The following DNAH2 variants were observed in gnomAD, a reference collection of about 807,000 sequenced individuals.
DNAH2 encodes the protein dynein axonemal heavy chain 2.
DNAH2 carries 323 observed loss-of-function variants against 523.5 expected under a neutral mutation model. The ratio of observed to expected loss-of-function variants is 0.62; its 90% confidence interval spans 0.56 to 0.68. DNAH2 has a LOEUF of 0.68. DNAH2 is among the 30% of genes least tolerant of loss of function. The pLI is 0.00. For missense variants in DNAH2, 4,907 were observed against 5,701.5 expected, an observed-to-expected ratio of 0.86 and a Z score of 4.49; for synonymous variants, 2,093 against 2,177.4, an observed-to-expected ratio of 0.96 and a Z score of 1.08.
At position 7,764,114 on chromosome 17, in the gene DNAH2, C is replaced by T. The variant is rs780781270; in HGVS notation, c.3180-3C>T. On this transcript the variant is annotated splice_polypyrimidine_tract_variant and splice_region_variant and intron_variant, in intron 19 of 85. Coordinates refer to ENST00000572933, the MANE Select transcript of DNAH2 (RefSeq NM_020877.5). ...CACTAGCACTCCCTTTGCCCGCCTTCAGAATCAGCCGCCCTCCGCAGACAC... is the reference window on the plus strand; with the variant it reads ...CACTAGCACTCCCTTTGCCCGCCTTTAGAATCAGCCGCCCTCCGCAGACAC... 3.7e-6 allele frequency: 6 copies of T among 1,614,236 alleles called. No individual in the cohort carries two copies. In the Admixed American group the frequency reaches 6.7e-5, roughly 18 times the overall value.
rs942102242 is a variant in DNAH2, at chr17:7,758,529, C to T, written c.2086C>T (p.Leu696=). 9.9e-6 allele frequency: 16 copies of T among 1,613,984 alleles called. No individual in the cohort carries two copies. The highest frequency in any genetic ancestry group is 1.4e-5 in the Non-Finnish European group (16 of 1,180,032). Residue 696 remains leucine (L), a synonymous_variant, in exon 14 of 86, where the codon CTA becomes TTA. Coordinates refer to ENST00000572933, the MANE Select transcript of DNAH2 (RefSeq NM_020877.5). ...IAMLSPDEQA[L]FKERIRLLDK... The stretch of plus-strand genomic sequence containing the variant: ...CATGCTGTCCCCAGATGAGCAGGCC[C>T]TATTCAAAGAGCGTATTCGGCTCCT...
intron 49 of DNAH2, among the ~76,000 whole-genome samples, chr17:7,796,143 G>T (rs1475845440): frequency 1.3e-5 from 2 of 150,510 alleles, no homozygotes; most frequent in African/African-American, 2.4e-5. Context: ...CCGCCTCCTG[G>T]GGTCAAGTGA....
chr17:7,754,715 C>T lies in DNAH2; in HGVS notation c.1905-2376C>T, dbSNP rs2075787501. On this transcript the variant is annotated intron_variant, in intron 12 of 85. Transcript: ENST00000572933. This position sits in a 1 kb window ranked among gnomAD's most constrained non-coding sequence, Gnocchi z 4.6. ...CCAACCTTGGGAAGCTTGCTCGTGC[C>T]CGCATGGCCAAGGGGCTCAGGCTGT... 2 of 1,163,212 alleles carry T rather than the reference C, an allele frequency of 1.7e-6. No homozygotes were observed. Among genetic ancestry groups the T allele is most frequent in the Non-Finnish European group, 1.3e-6 (1 of 788,064 alleles). The allele number at this position is 1,163,212 out of a possible 1,614,324, so 72.1% of individuals were successfully genotyped here. A position where few individuals can be genotyped will look rare whatever the true frequency, so the allele number is the denominator to read the frequency against.
Position 7,763,906 on chromosome 17 carries a change from GC to G in DNAH2, c.3055del (p.His1019ThrfsTer36). 1 of 1,614,182 alleles carries G rather than the reference GC, an allele frequency of 6.2e-7. No individual in the cohort carries two copies. ...TCCAGTTTGTGCTGCTGGACTGTTC[GC>G]ACCTCAAGTTCTCCCTGGTGCAGCA... Reference protein sequence around the residue: ...NIQFVLLDCSHLKFSLVQHCN... With the variant: ...NIQFVLLDCSXLKFSLVQHCN... On this transcript the variant is annotated frameshift_variant, in exon 19 of 86. Coordinates refer to ENST00000572933, the MANE Select transcript of DNAH2 (RefSeq NM_020877.5). LOFTEE classifies it high-confidence loss of function.
chr17:7,759,502 A>T lies in DNAH2; in HGVS notation c.2529A>T (p.Ser843=). ...CCCTGCGCCTGAATGTGAAGTGGTC[A>T]CTGCTAGAACTATCCAAGGCTATCA... The part of the protein sequence containing the change: ...EDALRLNVKW[S]LLELSKAING... Residue 843 remains serine, a synonymous_variant, in exon 16 of 86, where the codon TCA becomes TCT. Coordinates refer to ENST00000572933, the MANE Select transcript of DNAH2 (RefSeq NM_020877.5). 1 of 1,614,132 alleles carries T rather than the reference A, an allele frequency of 6.2e-7. No homozygotes were observed. Among genetic ancestry groups the T allele is most frequent in the Non-Finnish European group, 8.5e-7 (1 of 1,180,020 alleles).
chr17:7,758,804 G>C, intron 14 of DNAH2, 81 bp from the exon 15 acceptor site: 1 of 1,584,040 alleles, frequency 6.3e-7, no homozygotes, highest in Non-Finnish European at 8.6e-7. Context: ...AGTCTAGCTG[G>C]AGAACAAGTG....
chr17:7,759,259 G>A, intron 15 of DNAH2, 135 bp downstream of exon 15: 2 of 1,449,522 alleles, frequency 1.4e-6, no homozygotes, highest in South Asian at 1.4e-5. Flanking sequence ...CTCTAGTCTT[G>A]GACTCAGCCA....
In DNAH2 at chr17:7,775,232, T is replaced by C. The variant is rs2076416264; in HGVS notation, c.4720-9T>C. On this transcript the variant is annotated splice_polypyrimidine_tract_variant and intron_variant, in intron 29 of 85. Coordinates refer to ENST00000572933, the MANE Select transcript of DNAH2 (RefSeq NM_020877.5). ...AGGCCAGGCTCTGAGTAGCTTCTGC[T>C]TTCTGCAGGTTGGAGGGCCCAGCAG... is the stretch of plus-strand genomic sequence containing the variant. 1 of 1,610,982 alleles carries C rather than the reference T, an allele frequency of 6.2e-7. No homozygotes were observed. Among genetic ancestry groups the C allele is most frequent in the Non-Finnish European group, 8.5e-7 (1 of 1,178,448 alleles).
At chr17:7,743,383 C>T (rs748843855) in intron 12 of DNAH2, 26 of 703,838 alleles carry the variant, frequency 3.7e-5, no homozygotes, top group African/African-American at 2.5e-4. Flanking sequence ...AAACAATGAT[C>T]GGCCAGGCAC....
intron 46 of DNAH2, 141 bp from the exon 47 acceptor site, chr17:7,792,516 C>T (rs1343942938): frequency 1.0e-6 from 1 of 963,782 alleles, no homozygotes; most frequent in Non-Finnish European, 1.6e-6. Flanking sequence ...GGGACAGGGT[C>T]TCTGAGGGGA....
chr17:7,804,488 C>A (rs1454311379), intron 59 of DNAH2, 22 bp downstream of exon 59: 7 of 1,609,792 alleles, frequency 4.3e-6, no homozygotes, highest in South Asian at 2.2e-5. Flanking sequence ...ACGCCCACCC[C>A]CCGTGCCCCA....
chr17:7,781,099 C>A lies in DNAH2; in HGVS notation c.6061C>A (p.Pro2021Thr). The A allele has an allele frequency of 1.2e-6, 2 of 1,614,214 alleles. No homozygotes were observed. The highest frequency in any genetic ancestry group is 1.7e-6 in the Non-Finnish European group (2 of 1,180,042). Residue 2021 changes from proline to threonine, a missense_variant, in exon 39 of 86, where the codon CCC becomes ACC. Coordinates refer to ENST00000572933, the MANE Select transcript of DNAH2 (RefSeq NM_020877.5). The part of the protein sequence containing the change: ...NIAKLTSVDA[P>T]LFNAIVQDLF... ...CGCCAAGCTCACTTCAGTTGATGCA[C>A]CCCTGTTCAATGCCATCGTGCAAGA...
In DNAH2 at chr17:7,798,648, T is replaced by C. The variant is rs2077135794; in HGVS notation, c.8489T>C (p.Leu2830Pro). 6.2e-7 allele frequency: 1 copy of C among 1,614,150 alleles called. No homozygotes were observed. Residue 2830 changes from leucine (L) to proline (P), a missense_variant, in exon 55 of 86, where the codon CTA (leucine) becomes CCA (proline). Leu to Pro is a moderately conservative substitution (Grantham distance 98). Around this residue, in one of 3 missense-constraint regions of DNAH2, gnomAD observed 1,851 missense variants for 2,139.4 expected, o/e 0.87. Coordinates refer to ENST00000572933, the MANE Select transcript of DNAH2 (RefSeq NM_020877.5). The surrounding 1 kb of genome is among the most constrained non-coding windows in gnomAD (Gnocchi z 5.5). ...VDTQIADESF[L>P]EDINNILSSG... ...ACCCAAATAGCTGATGAGTCCTTCC[T>C]AGAGGACATCAACAACATCCTCAGC...
intron 64 of DNAH2, 143 bp downstream of exon 64, chr17:7,816,878 T>G: frequency 9.6e-7 from 1 of 1,040,436 alleles, no homozygotes; most frequent in Admixed American, 2.9e-5. Context: ...TGGGAGCTCT[T>G]CCCCTCCCCC....
chr17:7,807,032 G>T lies in DNAH2; in HGVS notation c.9443-118G>T. 8.3e-7 allele frequency: 1 copy of T among 1,211,102 alleles called. No individual in the cohort carries two copies. Among genetic ancestry groups the T allele is most frequent in the Non-Finnish European group, 1.2e-6 (1 of 864,204 alleles). 75.0% of individuals were successfully genotyped at this position (1,211,102 alleles called of 1,614,324 possible). ...AACTAGGGGCCAGGTCAGATAATTT[G>T]GCCTTAGGAACTGAGCCCAGGAAAA... On this transcript the variant is annotated intron_variant, in intron 61 of 85. Coordinates refer to ENST00000572933, the MANE Select transcript of DNAH2 (RefSeq NM_020877.5). This position sits in a 1 kb window ranked among gnomAD's most constrained non-coding sequence, Gnocchi z 5.6.
Position 7,819,289 on chromosome 17 carries a change from G to C in DNAH2, c.10896G>C (p.Gln3632His), listed in dbSNP as rs201950800. ...NDMGCIDPMY[Q>H]FSLDAYISLF... ...TGGGCTGCATCGACCCCATGTACCA[G>C]TTCTCACTGGATGCCTACATCAGCC... The change falls in exon 72 of 86, where the codon CAG becomes CAC. Residue 3632 changes from glutamine to histidine, a missense_variant. Around this residue, in one of 3 missense-constraint regions of DNAH2, gnomAD observed 1,851 missense variants for 2,139.4 expected, o/e 0.87. Coordinates refer to ENST00000572933, the MANE Select transcript of DNAH2 (RefSeq NM_020877.5). The C allele has an allele frequency of 5.0e-6, 8 of 1,614,222 alleles. No individual in the cohort carries two copies. The East Asian group carries it at 1.6e-4, about 31-fold the overall frequency.
intron 64 of DNAH2, among the ~76,000 whole-genome samples, chr17:7,816,969 G>A (rs1378353660): frequency 6.6e-6 from 1 of 152,194 alleles, no homozygotes; most frequent in Non-Finnish European, 1.5e-5. Flanking sequence ...GCAGGGCTGG[G>A]AAGCACACAC....
chr17:7,791,723 T>A (rs1027780557), intron 44 of DNAH2, among the ~76,000 whole-genome samples, 194 bp from the exon 45 acceptor site: 5 of 152,192 alleles, frequency 3.3e-5, no homozygotes, highest in Non-Finnish European at 7.3e-5. Flanking sequence ...TGCTGAGCTA[T>A]AAGAAATTTC....
chr17:7,797,708 T>C lies in DNAH2; in HGVS notation c.8109T>C (p.Tyr2703=), dbSNP rs1310316255. 1 of 1,614,132 alleles carries C rather than the reference T, an allele frequency of 6.2e-7. No individual in the cohort carries two copies. ...ATTTCCTGAAGGAGCCCAAGGTGTA[T>C]GAAGACCTCACGGATCTGACAGTGC... ...FGDFLKEPKV[Y]EDLTDLTVLK... The change falls in exon 53 of 86, where the codon TAT becomes TAC. Residue 2703 remains tyrosine (Y), a synonymous_variant. Transcript: ENST00000572933.
Sources: allele counts gnomAD v4.1 joint callset (sites outside exome capture counted in the v4.1 genomes callset), GRCh38; gene constraint gnomAD v4.1.1; regional missense constraint gnomAD v4.1.1; non-coding constraint Gnocchi (gnomAD v3.1); transcripts MANE v1.5; gene names NCBI Gene and HGNC (gene_info 2026-07-23, HGNC 2026-07-21).